Variants in TMOD1 observed in about 807,000 individuals in gnomAD.
TMOD1 encodes the protein tropomodulin 1.
In TMOD1, 17 loss-of-function variants were observed where a neutral mutation model predicts 40.6. The observed-to-expected ratio is 0.42, with a 90% CI of 0.29 to 0.63. TMOD1 has a LOEUF of 0.63. Among genes scored for constraint, TMOD1 ranks in the 20% least tolerant of loss-of-function variants. The probability of loss-of-function intolerance (pLI) is 0.22; values close to 1 mark genes in which losing one functional copy is unlikely to be tolerated. For missense variants in TMOD1, 391 were observed against 447.6 expected (o/e 0.87, Z 1.14); for synonymous variants, 181 against 175.0 (o/e 1.03, Z -0.27).
intron 3 of TMOD1, among the ~76,000 whole-genome samples, 183 bp from the exon 4 acceptor site, chr9:97,553,098 G>A (rs1830477758): frequency 6.6e-6 from 1 of 152,202 alleles, no homozygotes; most frequent in Admixed American, 6.5e-5. Context: ...TGTGAGGGGT[G>A]CTGTGTTGGA....
chr9:97,563,554 T>A (rs1441019157), intron 5 of TMOD1, among the ~76,000 whole-genome samples: 1 of 152,190 alleles, frequency 6.6e-6, no homozygotes, highest in Non-Finnish European at 1.5e-5. Context: ...CATGAGCCCT[T>A]TTGTCCTTTC....
intron 1 of TMOD1, among the ~76,000 whole-genome samples, chr9:97,514,578 C>A (rs1179292753): frequency 2.0e-5 from 3 of 152,180 alleles, no homozygotes; most frequent in African/African-American, 7.2e-5. Context: ...TCGCCCCTGG[C>A]ACCCTCTGGT....
At chr9:97,535,162 A>T (rs1830161438) in intron 2 of TMOD1, among the ~76,000 whole-genome samples, 1 of 152,122 alleles carries the variant, frequency 6.6e-6, no homozygotes, top group African/African-American at 2.4e-5. Flanking sequence ...AGCATCTCCG[A>T]GTATGCTGGG....
intron 2 of TMOD1, among the ~76,000 whole-genome samples, chr9:97,541,496 C>G (rs1830274375): frequency 6.6e-6 from 1 of 151,400 alleles, no homozygotes; most frequent in African/African-American, 2.4e-5. Context: ...GCCACTTGAC[C>G]ATTTTTATTT....
At chr9:97,528,898 A>C (rs553030747) in intron 2 of TMOD1, among the ~76,000 whole-genome samples, 41 of 152,374 alleles carry the variant, frequency 2.7e-4, no homozygotes, top group African/African-American at 9.4e-4. Context: ...GATGGCACTC[A>C]CTATGTGCAG....
At chr9:97,541,956 C>T (rs1178999830) in intron 2 of TMOD1, among the ~76,000 whole-genome samples, 9 of 152,220 alleles carry the variant, frequency 5.9e-5, no homozygotes, top group Admixed American at 2.0e-4. Flanking sequence ...TAGTGTCCTT[C>T]GCAGCACAAA....
chr9:97,567,969 A>G (rs1830757948), intron 7 of TMOD1, among the ~76,000 whole-genome samples: 1 of 152,046 alleles, frequency 6.6e-6, no homozygotes, highest in Admixed American at 6.5e-5. Flanking sequence ...GTTTCCACCA[A>G]CTGCTAATTA....
chr9:97,595,590 T>C (rs1374999514), intron 9 of TMOD1, among the ~76,000 whole-genome samples: 1 of 149,878 alleles, frequency 6.7e-6, no homozygotes, highest in East Asian at 2.0e-4. Flanking sequence ...TGTGCATATA[T>C]CCCCCAGTTT....
At chr9:97,559,230 C>T (rs937682937) in intron 4 of TMOD1, among the ~76,000 whole-genome samples, 1 of 152,168 alleles carries the variant, frequency 6.6e-6, no homozygotes, top group Non-Finnish European at 1.5e-5. Context: ...TCTGATTCAC[C>T]TGCTGCTGAC....
chr9:97,551,028 T>TG (rs1830446998), intron 3 of TMOD1, among the ~76,000 whole-genome samples: 1 of 33,314 alleles, frequency 3.0e-5, no homozygotes, highest in Admixed American at 3.4e-4. Flanking sequence ...TTTTTTTTTT[T>TG]TTTTTTTTTT....
chr9:97,568,977 G>C lies in TMOD1; in HGVS notation c.810G>C (p.Leu270=). 6.2e-7 allele frequency: 1 copy of C among 1,614,176 alleles called. No homozygotes were observed. The highest frequency in any genetic ancestry group is 8.5e-7 in the Non-Finnish European group (1 of 1,180,024). Residue 270 remains leucine, a synonymous_variant, in exon 8 of 10, where the codon CTG becomes CTC. Transcript: ENST00000259365. ...ESNFISGAGI[L]RLVEALPYNT... is the part of the protein sequence containing the mutation. ...ACTTCATTTCTGGAGCTGGGATTCT[G>C]CGCCTGGTAGAAGCCCTCCCATACA...
chr9:97,568,825 T>C, intron 7 of TMOD1, 69 bp from the exon 8 acceptor site: 1 of 1,578,690 alleles, frequency 6.3e-7, no homozygotes, highest in Non-Finnish European at 8.7e-7. Context: ...TCTTAGGATC[T>C]ACCCAGAGGG....
At chr9:97,575,064 G>A (rs1830905865) in intron 8 of TMOD1, among the ~76,000 whole-genome samples, 1 of 152,192 alleles carries the variant, frequency 6.6e-6, no homozygotes, top group East Asian at 1.9e-4. Context: ...GTCCACTTCC[G>A]CACTGTGGAA....
intron 8 of TMOD1, among the ~76,000 whole-genome samples, chr9:97,574,944 A>G (rs1440209918): frequency 1.3e-5 from 2 of 152,218 alleles, no homozygotes; most frequent in East Asian, 1.9e-4. Context: ...AGCTCTCTAT[A>G]AAATGGACCA....
intron 8 of TMOD1, among the ~76,000 whole-genome samples, chr9:97,580,952 T>TTTC (rs1375656261): frequency 1.4e-5 from 2 of 145,408 alleles, no homozygotes; most frequent in Non-Finnish European, 3.0e-5. Context: ...GCTTTTTTTT[T>TTTC]TTCACTTGGC....
Position 97,562,772 on chromosome 9 carries a change from C to A in TMOD1, c.438C>A (p.Tyr146Ter). The change falls in exon 5 of 10, where the codon TAC becomes TAA. Residue 146 changes from tyrosine to a stop codon, truncating the protein, a stop_gained. Transcript: ENST00000259365. LOFTEE classifies it high-confidence loss of function. Reference protein sequence around the residue: ...GMHTLMSNQQYYQALSSSSIM... With the variant: ...GMHTLMSNQQ ...ACACGCTCATGAGTAACCAGCAGTA[C>A]TACCAGGCCCTGAGCAGCAGCTCCA... 1 of 1,581,258 alleles carries A rather than the reference C, an allele frequency of 6.3e-7. No individual in the cohort carries two copies. The highest frequency in any genetic ancestry group is 8.6e-7 in the Non-Finnish European group (1 of 1,167,332).
intron 2 of TMOD1, among the ~76,000 whole-genome samples, chr9:97,538,392 A>T (rs1416337758): frequency 1.3e-5 from 2 of 152,126 alleles, no homozygotes; most frequent in Non-Finnish European, 2.9e-5. Flanking sequence ...TGACAAGTGC[A>T]TGTGACTTTC....
chr9:97,568,177 C>T (rs1397626642), intron 7 of TMOD1, among the ~76,000 whole-genome samples: 1 of 152,080 alleles, frequency 6.6e-6, no homozygotes, highest in Non-Finnish European at 1.5e-5. Context: ...TTCCACAGGG[C>T]AATAAAGAGA....
rs565813732 is a variant in TMOD1, at chr9:97,513,421, A to T, written c.-48-10720A>T. Among the ~76,000 whole-genome samples, 3 of 152,290 alleles carry T rather than the reference A, an allele frequency of 2.0e-5. No homozygotes were observed. The East Asian group carries it at 5.8e-4, about 29-fold the overall frequency. ...GGTAGGGATTTCAGCCCAGGTTTGC[A>T]TGACCCCTAGTTCAAGCTCTCATCT... is the stretch of plus-strand genomic sequence containing the variant. On this transcript the variant is annotated intron_variant, in intron 1 of 9. Transcript: ENST00000259365. This position sits in a 1 kb window ranked among gnomAD's most constrained non-coding sequence, Gnocchi z 4.1.
Sources: gnomAD v4.1 joint callset for allele counts (sites outside exome capture counted in the v4.1 genomes callset) on GRCh38, gnomAD v4.1.1 for gene constraint, Gnocchi (gnomAD v3.1) non-coding constraint, MANE v1.5 for transcripts, NCBI Gene and HGNC (gene_info 2026-07-23, HGNC 2026-07-21) for gene names.